The following RABEP1 variants were observed in gnomAD, a reference collection of about 807,000 sequenced individuals.
The protein encoded by RABEP1 is rab GTPase-binding effector protein 1.
RABEP1 carries 51 observed loss-of-function variants against 123.4 expected under a neutral mutation model. The observed-to-expected ratio is 0.41, with a 90% CI of 0.33 to 0.52. The LOEUF is 0.52. Ranked by LOEUF, RABEP1 falls within the 20% of genes least tolerant of loss-of-function variation. RABEP1 has a pLI of 0.16. For synonymous variants in RABEP1, 347 were observed against 355.2 expected (o/e 0.98, Z 0.26); for missense variants, 888 against 996.3 (o/e 0.89, Z 1.46).
At position 5,384,869 on chromosome 17, in the gene RABEP1, A is replaced by G. The variant is rs189725850; in HGVS notation, c.*1646A>G. Reference sequence around the variant, plus strand: ...GGGATTTTATTAATTATAAAATGCAATCAATTTAAATTACGTAGGTTTAAG... The same window carrying G: ...GGGATTTTATTAATTATAAAATGCAGTCAATTTAAATTACGTAGGTTTAAG... On this transcript the variant is annotated 3_prime_UTR_variant, in exon 18 of 18. Coordinates refer to ENST00000537505, the MANE Select transcript of RABEP1 (RefSeq NM_004703.6). 5.9e-5 allele frequency: 13 copies of G among 220,016 alleles called. No homozygotes were observed. The East Asian group carries it at 8.9e-4, about 15-fold the overall frequency. The allele number at this position is 220,016 out of a possible 1,614,324, so 13.6% of individuals were successfully genotyped here.
intron 13 of RABEP1, among the ~76,000 whole-genome samples, chr17:5,376,560 T>C (rs1419962918): frequency 1.3e-5 from 2 of 152,182 alleles, no homozygotes; most frequent in African/African-American, 2.4e-5. Context: ...AATTCTATAC[T>C]GAATTTATTA....
At chr17:5,327,476 C>T (rs566727540) in intron 2 of RABEP1, among the ~76,000 whole-genome samples, 1 of 152,152 alleles carries the variant, frequency 6.6e-6, no homozygotes, top group African/African-American at 2.4e-5. Context: ...TTTTCAGCCC[C>T]TATAATCTCA....
At chr17:5,337,945 A>G in intron 4 of RABEP1, 74 bp from the exon 5 acceptor site, 9 of 1,461,862 alleles carry the variant, frequency 6.2e-6, no homozygotes, top group Non-Finnish European at 8.2e-6. Flanking sequence ...AATTTTTAGC[A>G]AATGGAAGGG....
intron 15 of RABEP1, among the ~76,000 whole-genome samples, chr17:5,379,263 T>G (rs541329806): frequency 6.6e-6 from 1 of 152,322 alleles, no homozygotes; most frequent in African/African-American, 2.4e-5. Context: ...TTTCTTTTTC[T>G]TCAGAGAATA....
intron 1 of RABEP1, among the ~76,000 whole-genome samples, chr17:5,307,124 G>C (rs137975742): frequency 6.6e-6 from 1 of 152,146 alleles, no homozygotes; most frequent in Non-Finnish European, 1.5e-5. Context: ...TTAGAGACCA[G>C]CCTGACCAAC....
At chr17:5,293,154 G>A (rs1042576133) in intron 1 of RABEP1, among the ~76,000 whole-genome samples, 7 of 152,120 alleles carry the variant, frequency 4.6e-5, no homozygotes, top group Non-Finnish European at 7.4e-5. Context: ...GGGTGTGGTG[G>A]TGCGTGCCTG....
At chr17:5,284,718 C>T (rs991676922) in intron 1 of RABEP1, among the ~76,000 whole-genome samples, 1 of 152,128 alleles carries the variant, frequency 6.6e-6, no homozygotes, top group Non-Finnish European at 1.5e-5. Flanking sequence ...CACCTGCCTA[C>T]ACTTCCCAAA....
At chr17:5,282,767 G>C (rs1312769798) in intron 1 of RABEP1, among the ~76,000 whole-genome samples, 1 of 151,178 alleles carries the variant, frequency 6.6e-6, no homozygotes, top group African/African-American at 2.4e-5. Flanking sequence ...GAAGGGCGTG[G>C]GGAGGCTGCT....
chr17:5,367,399 GT>G (rs1258363341), intron 11 of RABEP1, among the ~76,000 whole-genome samples: 1 of 151,716 alleles, frequency 6.6e-6, no homozygotes, highest in Non-Finnish European at 1.5e-5. Flanking sequence ...AGCCTCCTGA[GT>G]AGCTGGGACT....
intron 2 of RABEP1, among the ~76,000 whole-genome samples, chr17:5,311,516 G>A (rs2075240394): frequency 6.6e-6 from 1 of 151,760 alleles, no homozygotes; most frequent in Non-Finnish European, 1.5e-5. Context: ...CCAACATGGT[G>A]AAACTCTGTC....
intron 7 of RABEP1, among the ~76,000 whole-genome samples, chr17:5,352,824 C>G (rs748446318): frequency 6.6e-6 from 1 of 151,912 alleles, no homozygotes; most frequent in Non-Finnish European, 1.5e-5. Context: ...AAGTGAGACT[C>G]CCTCTCAAAA....
chr17:5,359,309 T>C (rs1185602785), intron 8 of RABEP1, among the ~76,000 whole-genome samples: 1 of 152,038 alleles, frequency 6.6e-6, no homozygotes, highest in African/African-American at 2.4e-5. Context: ...CTCCTGACCT[T>C]GTGATCTGCC....
intron 2 of RABEP1, among the ~76,000 whole-genome samples, chr17:5,331,525 G>GC (rs1906545066): frequency 6.6e-6 from 1 of 152,168 alleles, no homozygotes; most frequent in South Asian, 2.1e-4. Flanking sequence ...TCTAGTCACT[G>GC]CCATGTGCTC....
At chr17:5,343,379 CTCTT>C (rs1051530960) in intron 5 of RABEP1, among the ~76,000 whole-genome samples, 10 of 152,128 alleles carry the variant, frequency 6.6e-5, no homozygotes, top group South Asian at 2.1e-4. Flanking sequence ...CATAGTGAAA[CTCTT>C]TCTTTACAAA....
At chr17:5,349,359 G>C (rs1040950833) in intron 6 of RABEP1, among the ~76,000 whole-genome samples, 7 of 152,204 alleles carry the variant, frequency 4.6e-5, no homozygotes, top group Non-Finnish European at 8.8e-5. Context: ...TCATATTGCA[G>C]AGAAGGCCGA....
chr17:5,283,917 CAGAG>C (rs1340629915), intron 1 of RABEP1: 1 of 152,268 alleles, frequency 6.6e-6, no homozygotes, highest in East Asian at 1.9e-4. Flanking sequence ...GGTGGGCTGT[CAGAG>C]AGAGGAAACT....
intron 1 of RABEP1, among the ~76,000 whole-genome samples, chr17:5,300,655 T>C (rs1224750261): frequency 3.3e-5 from 5 of 152,176 alleles, no homozygotes; most frequent in African/African-American, 1.2e-4. Flanking sequence ...CTCTAACTCT[T>C]GTTAATTCCT....
intron 17 of RABEP1, 45 bp downstream of exon 17, chr17:5,381,550 G>A (rs1446862263): frequency 2.5e-6 from 4 of 1,590,592 alleles, no homozygotes; most frequent in East Asian, 2.3e-5. Context: ...AGGCAGTTTT[G>A]GGGGACAGAA....
chr17:5,348,380 G>C (rs1908251369), intron 6 of RABEP1, among the ~76,000 whole-genome samples: 1 of 152,222 alleles, frequency 6.6e-6, no homozygotes, highest in Non-Finnish European at 1.5e-5. Context: ...AAGGCCATTT[G>C]CATGTGATGC....
Sources: allele counts gnomAD v4.1 joint callset (sites outside exome capture counted in the v4.1 genomes callset), GRCh38; gene constraint gnomAD v4.1.1; transcripts MANE v1.5; gene names NCBI Gene and HGNC (gene_info 2026-07-23, HGNC 2026-07-21).